Variants in MROH2A observed in about 807,000 individuals in gnomAD.
The protein encoded by MROH2A is maestro heat like repeat family member 2A, also known as maestro heat-like repeat-containing protein family member 2A.
MROH2A carries 174 observed loss-of-function variants against 200.4 expected under a neutral mutation model. The ratio of observed to expected loss-of-function variants is 0.87; its 90% CI spans 0.77 to 0.98. MROH2A has a LOEUF of 0.98. Ranked by LOEUF, MROH2A falls within the 50% of genes least tolerant of loss-of-function variation. The pLI is 0.00. For synonymous variants in MROH2A, 829 were observed against 840.4 expected, an observed-to-expected ratio of 0.99 and a Z score of 0.23; for missense variants, 2,045 against 2,139.6, an observed-to-expected ratio of 0.96 and a Z score of 0.87.
rs1413998961 is a variant in MROH2A, at chr2:233,832,165, T to TA, written c.4735-11dup. 1.2e-5 allele frequency: 18 copies of TA among 1,536,854 alleles called. No homozygotes were observed. The highest frequency in any genetic ancestry group is 1.5e-5 in the Non-Finnish European group (17 of 1,135,176). On this transcript the variant is annotated splice_polypyrimidine_tract_variant and intron_variant, in intron 39 of 41. Coordinates refer to ENST00000389758, the MANE Select transcript of MROH2A (RefSeq NM_001394639.1). ...ATCCTCCAAAGCTGTGTGTATCACTTACTTTTTGCAGACTCGGAAAAAGCC... is the reference window on the plus strand; with the variant it reads ...ATCCTCCAAAGCTGTGTGTATCACTTAACTTTTTGCAGACTCGGAAAAAGCC...
rs940417422 is a variant in MROH2A at position 233,822,886 on chromosome 2, C to T, written c.3872C>T (p.Thr1291Ile). 2.6e-6 allele frequency: 4 copies of T among 1,550,404 alleles called. No individual in the cohort carries two copies. Among genetic ancestry groups the T allele is most frequent in the African/African-American group, 1.4e-5 (1 of 73,056 alleles). ...LPEEMNLQRV[T>I]IKSMQLLFKR... ...AAGCTCCCACCTCCCTTCAGGGTCACTATCAAGTCCATGCAGCTCTTGTTC... is the reference window on the plus strand; with the variant it reads ...AAGCTCCCACCTCCCTTCAGGGTCATTATCAAGTCCATGCAGCTCTTGTTC... Residue 1291 changes from threonine (T) to isoleucine (I), a missense_variant, in exon 34 of 42, where the codon ACT becomes ATT. By Grantham distance (89) the Thr-to-Ile change is moderately conservative. Around this residue, in one of 3 missense-constraint regions of MROH2A, gnomAD observed 1,201 missense variants for 1,311.3 expected, o/e 0.92. Coordinates refer to ENST00000389758, the MANE Select transcript of MROH2A (RefSeq NM_001394639.1).
At position 233,822,570 on chromosome 2, in the gene MROH2A, C is replaced by T. The variant is rs952950609; in HGVS notation, c.3866+14C>T. On this transcript the variant is annotated intron_variant, in intron 33 of 41. Transcript: ENST00000389758. ...GAACCTGCAAAGGTGCTCTCGAGGGCGGTGGGTGCAAGGCAGCAGGCCTGG... is the reference window on the plus strand; with the variant it reads ...GAACCTGCAAAGGTGCTCTCGAGGGTGGTGGGTGCAAGGCAGCAGGCCTGG... The T allele has an allele frequency of 1.5e-5, 23 of 1,546,254 alleles. No individual in the cohort carries two copies. The highest frequency in any genetic ancestry group is 2.0e-5 in the Admixed American group (1 of 50,954).
At chr2:233,821,998 C>T (rs1019441392) in intron 31 of MROH2A, 126 bp from the exon 32 acceptor site, 31 of 1,215,052 alleles carry the variant, frequency 2.6e-5, no homozygotes, top group Non-Finnish European at 3.2e-5. Flanking sequence ...CTCCCTCCGC[C>T]TCCCTGAGAT....
At chr2:233,796,476 T>A (rs1251303466) in intron 11 of MROH2A, among the ~76,000 whole-genome samples, 163 bp downstream of exon 11, 1 of 152,008 alleles carries the variant, frequency 6.6e-6, no homozygotes, top group African/African-American at 2.4e-5. Flanking sequence ...TTTCTAAGCT[T>A]TAACCTAATC....
chr2:233,803,956 G>A (rs1429946111), intron 16 of MROH2A, 95 bp from the exon 17 acceptor site: 16 of 1,455,450 alleles, frequency 1.1e-5, no homozygotes, highest in Non-Finnish European at 1.5e-5. Flanking sequence ...CACCGATCTT[G>A]TCCAGCTCCT....
intron 12 of MROH2A, among the ~76,000 whole-genome samples, chr2:233,799,346 A>G (rs1408387214): frequency 6.6e-6 from 1 of 152,080 alleles, no homozygotes; most frequent in Non-Finnish European, 1.5e-5. Flanking sequence ...CAGAGAGGGA[A>G]TGGAGGAGAA....
chr2:233,786,207 G>A (rs1461378822), intron 3 of MROH2A, among the ~76,000 whole-genome samples: 8 of 152,254 alleles, frequency 5.3e-5, no homozygotes, highest in Admixed American at 2.6e-4. Flanking sequence ...TCCCAACCAC[G>A]TGGAACTATG....
intron 8 of MROH2A, 117 bp from the exon 9 acceptor site, chr2:233,795,536 C>G: frequency 6.8e-7 from 1 of 1,467,378 alleles, no homozygotes; most frequent in East Asian, 2.5e-5. Context: ...CATTTCTAAT[C>G]AGCTCCCAGG....
At chr2:233,791,492 GC>G (rs1446832968) in intron 5 of MROH2A, among the ~76,000 whole-genome samples, 2 of 152,052 alleles carry the variant, frequency 1.3e-5, no homozygotes, top group African/African-American at 4.8e-5. Context: ...GCCTGTGGGA[GC>G]CCCCAGGGGA....
In MROH2A at chr2:233,793,684, T is replaced by C; in HGVS notation, c.682T>C (p.Phe228Leu). The C allele has an allele frequency of 7.1e-7, 1 of 1,418,148 alleles. No homozygotes were observed. The highest frequency in any genetic ancestry group is 2.9e-5 in the East Asian group (1 of 34,502). The allele number at this position is 1,418,148 out of a possible 1,614,324, so 87.8% of individuals were successfully genotyped here. The change falls in exon 7 of 42, where the codon TTC becomes CTC. Residue 228 changes from phenylalanine (F) to leucine (L), a missense_variant. Phe to Leu is a conservative substitution (Grantham distance 22). This residue lies in a region of MROH2A where 831 missense variants were observed against 800.0 expected (regional missense o/e 1.04). Coordinates refer to ENST00000389758, the MANE Select transcript of MROH2A (RefSeq NM_001394639.1). ...GTTGCTGTTGGTAGCCATGGAGACCTTCTGTGAGACGGTGCAGTTTTATCT... is the reference window on the plus strand; with the variant it reads ...GTTGCTGTTGGTAGCCATGGAGACCCTCTGTGAGACGGTGCAGTTTTATCT... ...RQAICSAMETFCETVQFYLKH... is the reference protein window; with the variant it reads ...RQAICSAMETLCETVQFYLKH...
rs1350168737 is a variant in MROH2A, at chr2:233,822,252, T to C, written c.3641T>C (p.Ile1214Thr). ...ATCAGTGCCACCTCCAAGGCTGACA[T>C]CTGGCGCCTGGCTGCGGTGGACCCC... is the stretch of plus-strand genomic sequence containing the variant. ...PRISATSKAD[I>T]WRLAAVDPLM... The change falls in exon 32 of 42, where the codon ATC (isoleucine) becomes ACC (threonine). Residue 1214 changes from isoleucine to threonine, a missense_variant. By Grantham distance (89) the Ile-to-Thr change is moderately conservative. This residue lies in a region of MROH2A where 1,201 missense variants were observed against 1,311.3 expected (regional missense o/e 0.92). Transcript: ENST00000389758. 1.9e-6 allele frequency: 3 copies of C among 1,547,798 alleles called. No homozygotes were observed. Among genetic ancestry groups the C allele is most frequent in the East Asian group, 2.4e-5 (1 of 40,908 alleles).
At chr2:233,785,919 G>A (rs1172489150) in intron 3 of MROH2A, among the ~76,000 whole-genome samples, 1 of 152,172 alleles carries the variant, frequency 6.6e-6, no homozygotes, top group Non-Finnish European at 1.5e-5. Context: ...GGAAGTCCCT[G>A]ATTGAGGTGC....
intron 14 of MROH2A, among the ~76,000 whole-genome samples, chr2:233,801,139 G>T (rs1702446529): frequency 6.6e-6 from 1 of 152,178 alleles, no homozygotes; most frequent in African/African-American, 2.4e-5. Context: ...TCATTAATTT[G>T]CTCAAGGCCT....
At chr2:233,816,669 G>T in intron 26 of MROH2A, 112 bp from the exon 27 acceptor site, 1 of 642,398 alleles carries the variant, frequency 1.6e-6, no homozygotes. Flanking sequence ...GAACCACAAG[G>T]AAGCATTGAA....
chr2:233,823,953 G>C (rs1279287035), intron 35 of MROH2A, among the ~76,000 whole-genome samples: 1 of 152,142 alleles, frequency 6.6e-6, no homozygotes, highest in Non-Finnish European at 1.5e-5. Context: ...CTGGGTTCTC[G>C]CTGGGGCAGG....
In MROH2A at chr2:233,799,842, C is replaced by G; in HGVS notation, c.1392C>G (p.Ile464Met). The part of the protein sequence containing the change: ...QLALCGYQER[I>M]KGWGLKYLSV... ...CTCTCTGTGGCTACCAGGAGAGAAT[C>G]AAAGGCTGGGGCCTGAAGTACCTGT... Residue 464 changes from isoleucine (I) to methionine (M), a missense_variant, in exon 13 of 42, where the codon ATC (isoleucine) becomes ATG (methionine). Physicochemically the swap from Ile to Met is conservative, Grantham distance 10 (BLOSUM62 1). Coordinates refer to ENST00000389758, the MANE Select transcript of MROH2A (RefSeq NM_001394639.1). The G allele has an allele frequency of 6.4e-7, 1 of 1,550,522 alleles. No individual in the cohort carries two copies. The highest frequency in any genetic ancestry group is 2.4e-5 in the East Asian group (1 of 40,916).
chr2:233,791,014 C>T (rs899350454), intron 5 of MROH2A, among the ~76,000 whole-genome samples: 7 of 152,056 alleles, frequency 4.6e-5, no homozygotes, highest in African/African-American at 1.4e-4. Context: ...AGCATAGGAC[C>T]GGGAGAGCAT....
chr2:233,796,042 CT>C lies in MROH2A; in HGVS notation c.1137del (p.Ala380LeufsTer8). On this transcript the variant is annotated frameshift_variant and splice_region_variant, in exon 10 of 42. Transcript: ENST00000389758. LOFTEE classifies it high-confidence loss of function. ...LMEMVHCFVALARSYPKELMK... is the reference protein window; with the variant it reads ...LMEMVHCFVAXARSYPKELMK... ...GGAGATGGTGCACTGCTTCGTAGCC[CT>C]TGGTGAGGCTCTGCGGCAGGGTGCT... 6.4e-7 allele frequency: 1 copy of C among 1,550,430 alleles called. No individual in the cohort carries two copies. Among genetic ancestry groups the C allele is most frequent in the East Asian group, 2.4e-5 (1 of 40,902 alleles).
chr2:233,794,629 C>A, intron 8 of MROH2A, 123 bp downstream of exon 8: 1 of 622,492 alleles, frequency 1.6e-6, no homozygotes, highest in Non-Finnish European at 2.8e-6. Flanking sequence ...TGTCAGGAAC[C>A]CGACATCTGT....
Sources: allele counts gnomAD v4.1 joint callset (sites outside exome capture counted in the v4.1 genomes callset), GRCh38; gene constraint gnomAD v4.1.1; regional missense constraint gnomAD v4.1.1; transcripts MANE v1.5; gene names NCBI Gene and HGNC (gene_info 2026-07-23, HGNC 2026-07-21).